The following GRM1 variants were observed in gnomAD, a reference collection of about 807,000 sequenced individuals.
GRM1 encodes glutamate metabotropic receptor 1.
GRM1 carries 33 observed loss-of-function variants against 90.9 expected under a neutral mutation model. The observed-to-expected ratio is 0.36, with a 90% confidence interval of 0.28 to 0.49. The LOEUF is 0.49. Among genes scored for constraint, GRM1 ranks in the 20% least tolerant of loss-of-function variants. The pLI is 0.99. For synonymous variants in GRM1, 700 were observed against 613.2 expected, an observed-to-expected ratio of 1.14 and a Z score of -2.09; for missense variants, 1,190 against 1,534.3, an observed-to-expected ratio of 0.78 and a Z score of 3.75.
intron 1 of GRM1, among the ~76,000 whole-genome samples, chr6:146,109,714 TACTC>T (rs1287581600): frequency 1.3e-5 from 2 of 152,100 alleles, no homozygotes; most frequent in South Asian, 2.1e-4. Context: ...AATCCATAGA[TACTC>T]AATTCCGGCC....
At chr6:146,418,040 A>G (rs1440696923) in intron 7 of GRM1, among the ~76,000 whole-genome samples, 8 of 152,150 alleles carry the variant, frequency 5.3e-5, no homozygotes, top group Non-Finnish European at 8.8e-5. Flanking sequence ...AAATGTATGT[A>G]CAGTTAAATA....
At position 146,356,570 on chromosome 6, in the gene GRM1, C is replaced by A. The variant is rs562090449; in HGVS notation, c.1434-956C>A. 2.0e-5 allele frequency among the ~76,000 whole-genome samples: 3 copies of A among 152,232 alleles called. No homozygotes were observed. In the East Asian group the frequency reaches 5.8e-4, roughly 29 times the overall value. On this transcript the variant is annotated intron_variant, in intron 4 of 7. Coordinates refer to ENST00000282753, the MANE Select transcript of GRM1 (RefSeq NM_001278064.2). Reference sequence around the variant, plus strand: ...CAGCATATGAATGGAAGGGGGTGAACATAAGCATTTCGACCATAGGACATA... The same window carrying A: ...CAGCATATGAATGGAAGGGGGTGAAAATAAGCATTTCGACCATAGGACATA...
At chr6:146,036,986 C>T (rs1790914383) in intron 1 of GRM1, among the ~76,000 whole-genome samples, 1 of 151,796 alleles carries the variant, frequency 6.6e-6, no homozygotes, top group African/African-American at 2.4e-5. Flanking sequence ...GTTATAGGCT[C>T]ATGGGTTAAA....
At chr6:146,104,635 C>T (rs1207681999) in intron 1 of GRM1, among the ~76,000 whole-genome samples, 1 of 152,112 alleles carries the variant, frequency 6.6e-6, no homozygotes, top group Non-Finnish European at 1.5e-5. Context: ...TAGAGAATTT[C>T]CGAAAGGCAA....
chr6:146,072,158 T>G (rs1431328638), intron 1 of GRM1, among the ~76,000 whole-genome samples: 1 of 152,222 alleles, frequency 6.6e-6, no homozygotes, highest in Admixed American at 6.5e-5. Context: ...TGGTTGATAA[T>G]CTGCATTCTT....
chr6:146,096,048 G>A (rs1776863896), intron 1 of GRM1, among the ~76,000 whole-genome samples: 1 of 152,116 alleles, frequency 6.6e-6, no homozygotes, highest in Non-Finnish European at 1.5e-5. Flanking sequence ...AACTTCATAA[G>A]GCTGAAAGTA....
chr6:146,239,314 A>G (rs889134555), intron 2 of GRM1, among the ~76,000 whole-genome samples: 1 of 152,136 alleles, frequency 6.6e-6, no homozygotes, highest in Non-Finnish European at 1.5e-5. Context: ...ATTTCCACTA[A>G]TATTTTAGGC....
intron 1 of GRM1, among the ~76,000 whole-genome samples, chr6:146,045,935 A>G (rs1012772): frequency 1.6e-3 from 244 of 152,002 alleles, no homozygotes; most frequent in Non-Finnish European, 3.1e-3. Context: ...GAATACTGGT[A>G]TCTAGTACCC....
chr6:146,314,032 A>C (rs1783868538), intron 3 of GRM1, among the ~76,000 whole-genome samples: 1 of 122,968 alleles, frequency 8.1e-6, no homozygotes, highest in Admixed American at 8.9e-5. Flanking sequence ...ATTGCACTGT[A>C]TATATCAATA....
At chr6:146,215,816 G>T (rs1415445473) in intron 2 of GRM1, among the ~76,000 whole-genome samples, 1 of 151,444 alleles carries the variant, frequency 6.6e-6, no homozygotes, top group Non-Finnish European at 1.5e-5. Flanking sequence ...GAGTGCAGTG[G>T]CTCGATCTCA....
chr6:146,167,419 G>A (rs146518756), intron 2 of GRM1, among the ~76,000 whole-genome samples: 66 of 152,200 alleles, frequency 4.3e-4, no homozygotes, highest in African/African-American at 1.5e-3. Context: ...GTGAGATTAT[G>A]GGTCATAAGT....
chr6:146,182,076 C>G (rs183344360), intron 2 of GRM1, among the ~76,000 whole-genome samples: 145 of 152,128 alleles, frequency 9.5e-4, no homozygotes, highest in African/African-American at 3.4e-3. Context: ...TCTTGTTTTA[C>G]TGAAAGTAAA....
At chr6:146,095,978 T>C (rs1373543189) in intron 1 of GRM1, among the ~76,000 whole-genome samples, 1 of 152,110 alleles carries the variant, frequency 6.6e-6, no homozygotes, top group Non-Finnish European at 1.5e-5. Context: ...TTCTCCTCTT[T>C]CCTGACAATA....
rs554912140 is a variant in GRM1 at position 146,118,696 on chromosome 6, G to T, written c.701-40652G>T. Among the ~76,000 whole-genome samples the T allele has an allele frequency of 7.2e-5, 11 of 152,274 alleles. No homozygotes were observed. The East Asian group carries it at 2.1e-3, about 29-fold the overall frequency. On this transcript the variant is annotated intron_variant, in intron 1 of 7. Transcript: ENST00000282753. ...TATGAGTGAGAACATGCGGTGCATG[G>T]TTTTTGTCCCTGTGATAGTTTGCTG...
chr6:146,074,743 C>A (rs190592123), intron 1 of GRM1, among the ~76,000 whole-genome samples: 1 of 152,238 alleles, frequency 6.6e-6, no homozygotes, highest in African/African-American at 2.4e-5. Flanking sequence ...TTTGTAACAA[C>A]AATTTTTATT....
At chr6:146,374,027 G>T (rs1395155760) in intron 5 of GRM1, among the ~76,000 whole-genome samples, 1 of 152,136 alleles carries the variant, frequency 6.6e-6, no homozygotes, top group East Asian at 1.9e-4. Context: ...ATGATGTTGA[G>T]ATATGTTCCT....
At chr6:146,397,277 A>G (rs1038559152) in intron 6 of GRM1, among the ~76,000 whole-genome samples, 4 of 151,906 alleles carry the variant, frequency 2.6e-5, no homozygotes, top group South Asian at 2.1e-4. Flanking sequence ...GATCGAGAAC[A>G]TCCTGGCTAA....
In GRM1 at chr6:146,257,987, T is replaced by TAAA. The variant is rs11419823; in HGVS notation, c.951-46613_951-46611dup. On this transcript the variant is annotated intron_variant, in intron 2 of 7. Coordinates refer to ENST00000282753, the MANE Select transcript of GRM1 (RefSeq NM_001278064.2). ...CACTTTCCATCCGTTTGTTCTTCCG[T>TAAA]AAAAAAAAAAAAATAGTTTTTTTCT... Among the ~76,000 whole-genome samples the TAAA allele has an allele frequency of 3.9e-4, 58 of 147,946 alleles. 1 individual carries two copies. Among genetic ancestry groups the TAAA allele is most frequent in the Admixed American group, 3.7e-3 (55 of 14,828 alleles).
At chr6:146,256,164 T>A (rs1215507116) in intron 2 of GRM1, among the ~76,000 whole-genome samples, 1 of 152,186 alleles carries the variant, frequency 6.6e-6, no homozygotes. Context: ...AGCTATGCCA[T>A]CTTGCCTAAT....
Sources: gnomAD v4.1 joint callset for allele counts (sites outside exome capture counted in the v4.1 genomes callset) on GRCh38, gnomAD v4.1.1 for gene constraint, MANE v1.5 for transcripts, NCBI Gene and HGNC (gene_info 2026-07-23, HGNC 2026-07-21) for gene names.